Variants in TCAIM observed in about 807,000 individuals in gnomAD.
The protein encoded by TCAIM is T cell activation inhibitor, mitochondrial.
TCAIM carries 36 observed loss-of-function variants against 58.6 expected under a neutral mutation model. The observed-to-expected ratio is 0.61, with a 90% CI of 0.47 to 0.81. The LOEUF (loss-of-function observed/expected upper bound fraction) is 0.81. Ranked by LOEUF, TCAIM falls within the 30% of genes least tolerant of loss-of-function variation. The probability of loss-of-function intolerance (pLI) is 0.00; values close to 1 mark genes in which losing one functional copy is unlikely to be tolerated. For synonymous variants in TCAIM, 172 were observed against 193.6 expected (o/e 0.89, Z 0.93); for missense variants, 466 against 579.6 (o/e 0.80, Z 2.01).
In TCAIM at chr3:44,367,574, T is replaced by C. The variant is rs1701399829; in HGVS notation, c.438T>C (p.His146=). 5 of 1,614,098 alleles carry C rather than the reference T, an allele frequency of 3.1e-6. No individual in the cohort carries two copies. Among genetic ancestry groups the C allele is most frequent in the Non-Finnish European group, 4.2e-6 (5 of 1,180,002 alleles). ...EHIQSLNTNM[H]TQPLKEAKRM... ...TCCAAAGCTTGAATACTAATATGCA[T>C]ACCCAGCCTCTCAAAGAAGCTAAAA... The change falls in exon 5 of 11, where the codon CAT becomes CAC. Residue 146 remains histidine (H), a synonymous_variant. Transcript: ENST00000342649.
At chr3:44,386,154 A>C (rs908538599) in intron 5 of TCAIM, among the ~76,000 whole-genome samples, 1 of 136,810 alleles carries the variant, frequency 7.3e-6, no homozygotes, top group Non-Finnish European at 1.5e-5. Context: ...CGAAGGTTGC[A>C]GTGAGCTGAG....
At chr3:44,354,847 G>C in intron 2 of TCAIM, 36 bp downstream of exon 2, 1 of 1,599,402 alleles carries the variant, frequency 6.3e-7, no homozygotes, top group Non-Finnish European at 8.5e-7. Flanking sequence ...TTAGTATTGT[G>C]GCGGGGGGAG....
intron 5 of TCAIM, among the ~76,000 whole-genome samples, chr3:44,379,847 G>A (rs2125644848): frequency 6.6e-6 from 1 of 152,180 alleles, no homozygotes; most frequent in South Asian, 2.1e-4. Flanking sequence ...TAACAAACCT[G>A]CACATGTACT....
intron 4 of TCAIM, among the ~76,000 whole-genome samples, chr3:44,365,885 G>C (rs1041150586): frequency 6.6e-6 from 1 of 152,184 alleles, no homozygotes; most frequent in Admixed American, 6.6e-5. Context: ...GGTAGAGCAG[G>C]TCTGGAAGAA....
In TCAIM at chr3:44,344,666, G is replaced by A. The variant is rs1009705119; in HGVS notation, c.-45+5832G>A. Among the ~76,000 whole-genome samples, 4 of 151,958 alleles carry A rather than the reference G, an allele frequency of 2.6e-5. No homozygotes were observed. In the South Asian group the frequency reaches 6.2e-4, roughly 24 times the overall value. ...ACTAATGACCTTATTACTGTCACAC[G>A]CGTCCGTGTGAAGAGACCACCAAAC... On this transcript the variant is annotated intron_variant, in intron 1 of 10. Transcript: ENST00000342649.
At chr3:44,372,134 C>G in intron 5 of TCAIM, among the ~76,000 whole-genome samples, 1 of 152,006 alleles carries the variant, frequency 6.6e-6, no homozygotes, top group Non-Finnish European at 1.5e-5. Flanking sequence ...TGTTGGTATA[C>G]GCATGTTTGG....
At chr3:44,361,302 A>C in intron 3 of TCAIM, 63 bp from the exon 4 acceptor site, 1 of 1,394,188 alleles carries the variant, frequency 7.2e-7, no homozygotes, top group Non-Finnish European at 9.8e-7. Context: ...GGTTAGATAG[A>C]TATCATTTCT....
chr3:44,401,398 G>T, intron 10 of TCAIM, 64 bp downstream of exon 10: 1 of 1,588,148 alleles, frequency 6.3e-7, no homozygotes. Context: ...TCAGATATTT[G>T]GAACTCATAA....
At chr3:44,375,497 A>C (rs1286167421) in intron 5 of TCAIM, among the ~76,000 whole-genome samples, 3 of 152,236 alleles carry the variant, frequency 2.0e-5, no homozygotes, top group Non-Finnish European at 4.4e-5. Flanking sequence ...ATTACCATGA[A>C]GATGACATGA....
chr3:44,399,991 AATAC>A (rs1701997072), intron 8 of TCAIM, among the ~76,000 whole-genome samples: 1 of 152,232 alleles, frequency 6.6e-6, no homozygotes, highest in South Asian at 2.1e-4. Flanking sequence ...ACTGAGTTGA[AATAC>A]ATACACTTTA....
intron 4 of TCAIM, among the ~76,000 whole-genome samples, chr3:44,365,719 A>G (rs1464774148): frequency 6.6e-6 from 1 of 152,232 alleles, no homozygotes; most frequent in Non-Finnish European, 1.5e-5. Context: ...GAAATGTTCC[A>G]TATCTGCATC....
intron 5 of TCAIM, among the ~76,000 whole-genome samples, chr3:44,378,291 A>G (rs1473541019): frequency 1.3e-5 from 2 of 151,950 alleles, no homozygotes; most frequent in African/African-American, 4.8e-5. Context: ...GAGGCACAAG[A>G]ATCACTTGAA....
At position 44,357,792 on chromosome 3, in the gene TCAIM, A is replaced by T. The variant is rs1049975532; in HGVS notation, c.81A>T (p.Leu27Phe). 3.1e-6 allele frequency: 5 copies of T among 1,614,164 alleles called. No individual in the cohort carries two copies. The highest frequency in any genetic ancestry group is 1.6e-4 in the Middle Eastern group (1 of 6,062). ...ACTGGTTTCCCTTTTCAAGAGCTTT[A>T]TCGGGAGCTGAAGCAGTCAATGCCT... ...FPHWFPFSRA[L>F]SGAEAVNALR... The change falls in exon 3 of 11, where the codon TTA becomes TTT. Residue 27 changes from leucine (L) to phenylalanine (F), a missense_variant. Physicochemically the swap from Leu to Phe is conservative, Grantham distance 22. Transcript: ENST00000342649.
chr3:44,401,125 AAG>A, intron 9 of TCAIM, 76 bp from the exon 10 acceptor site: 1 of 1,540,576 alleles, frequency 6.5e-7, no homozygotes, highest in Non-Finnish European at 8.7e-7. Flanking sequence ...TATTTTCCTG[AAG>A]ACTAATAAAA....
intron 3 of TCAIM, chr3:44,358,794 T>A (rs924117339): frequency 6.1e-6 from 6 of 985,314 alleles, no homozygotes; most frequent in Non-Finnish European, 7.2e-6. Flanking sequence ...AACACTGATA[T>A]CTAGTTTAAT....
chr3:44,347,925 A>G (rs1174443633), intron 1 of TCAIM, among the ~76,000 whole-genome samples: 5 of 152,134 alleles, frequency 3.3e-5, no homozygotes, highest in Non-Finnish European at 2.9e-5. Context: ...ACTGGGGGAA[A>G]GGGCGGCAAT....
chr3:44,384,244 CA>C (rs577581705), intron 5 of TCAIM, among the ~76,000 whole-genome samples: 175 of 152,304 alleles, frequency 1.1e-3, no homozygotes, highest in African/African-American at 3.9e-3. Flanking sequence ...TTTTAAAATC[CA>C]ATAAAGTGTT....
chr3:44,399,809 G>C (rs1484697396), intron 8 of TCAIM, among the ~76,000 whole-genome samples: 1 of 152,148 alleles, frequency 6.6e-6, no homozygotes, highest in African/African-American at 2.4e-5. Flanking sequence ...GCTAAATTCG[G>C]ATTTTTGTTT....
At chr3:44,374,510 C>G (rs1701534433) in intron 5 of TCAIM, among the ~76,000 whole-genome samples, 1 of 152,068 alleles carries the variant, frequency 6.6e-6, no homozygotes, top group South Asian at 2.1e-4. Flanking sequence ...AATCCCAGCA[C>G]TTTGGGAGGC....
Sources: gnomAD v4.1 joint callset for allele counts (sites outside exome capture counted in the v4.1 genomes callset) on GRCh38, gnomAD v4.1.1 for gene constraint, MANE v1.5 for transcripts, NCBI Gene and HGNC (gene_info 2026-07-23, HGNC 2026-07-21) for gene names.